Variants in ANO4 observed in about 807,000 individuals in gnomAD.
The protein encoded by ANO4 is anoctamin-4.
Under a neutral mutation model 141.9 loss-of-function variants are expected in ANO4, and 69 were observed. The observed-to-expected ratio is 0.49, with a 90% CI of 0.40 to 0.59. The LOEUF (loss-of-function observed/expected upper bound fraction) is 0.59, where lower values mean the gene tolerates loss of function less well. Ranked by LOEUF, ANO4 falls within the 20% of genes least tolerant of loss-of-function variation. The pLI, the probability that ANO4 is intolerant of heterozygous loss-of-function variation, is 0.00. For synonymous variants in ANO4, 350 were observed against 394.3 expected, an observed-to-expected ratio of 0.89 and a Z score of 1.33; for missense variants, 894 against 1,162.2, an observed-to-expected ratio of 0.77 and a Z score of 3.36.
chr12:100,741,977 A>G (rs1362260874), intron 3 of ANO4, among the ~76,000 whole-genome samples: 1 of 152,154 alleles, frequency 6.6e-6, no homozygotes, highest in Non-Finnish European at 1.5e-5. Context: ...ATAGAGCACT[A>G]TACTCAGAGT....
intron 14 of ANO4, among the ~76,000 whole-genome samples, chr12:101,073,477 C>T (rs1010871600): frequency 4.0e-5 from 6 of 151,614 alleles, no homozygotes; most frequent in East Asian, 2.0e-4. Context: ...ATGTAAATGA[C>T]GAGTTAATGG....
intron 12 of ANO4, 52 bp from the exon 13 acceptor site, chr12:101,043,486 GA>G (rs1342529288): frequency 2.2e-6 from 3 of 1,392,206 alleles, no homozygotes; most frequent in South Asian, 1.2e-5. Context: ...GGTGAAGTTA[GA>G]AAAAAATGTT....
intron 2 of ANO4, among the ~76,000 whole-genome samples, chr12:100,914,036 A>C (rs1031402932): frequency 2.6e-5 from 4 of 152,238 alleles, no homozygotes; most frequent in African/African-American, 9.6e-5. Flanking sequence ...AGCCCTCGTC[A>C]TCACAACAGA....
At chr12:100,935,126 A>G (rs887842810) in intron 3 of ANO4, among the ~76,000 whole-genome samples, 9 of 152,172 alleles carry the variant, frequency 5.9e-5, no homozygotes, top group East Asian at 1.9e-4. Context: ...TTCCAATACA[A>G]TGTTGAATAG....
At chr12:100,861,323 A>G (rs550479137) in intron 1 of ANO4, among the ~76,000 whole-genome samples, 1 of 152,268 alleles carries the variant, frequency 6.6e-6, no homozygotes, top group South Asian at 2.1e-4. Flanking sequence ...ATAGCCTACT[A>G]TGCACCTTGG....
chr12:100,724,536 A>G (rs1025991979), intron 1 of ANO4, among the ~76,000 whole-genome samples: 1 of 152,232 alleles, frequency 6.6e-6, no homozygotes, highest in East Asian at 1.9e-4. Flanking sequence ...AAAAAACGTT[A>G]TGAAAACAGC....
chr12:100,869,072 A>G (rs754459679), intron 1 of ANO4, among the ~76,000 whole-genome samples: 7 of 152,174 alleles, frequency 4.6e-5, no homozygotes, highest in East Asian at 1.9e-4. Flanking sequence ...TAATTGTCCA[A>G]TTAGGTAGAT....
At chr12:101,104,575 G>A in intron 22 of ANO4, among the ~76,000 whole-genome samples, 1 of 132,422 alleles carries the variant, frequency 7.6e-6, no homozygotes. Flanking sequence ...GTTATTTCAG[G>A]CTTTTGATAA....
rs566024431 is a variant in ANO4 at position 100,836,704 on chromosome 12, A to T, written c.-141+41677A>T. ...TCCAAGGGAGTTTTTCTTCAAATGG[A>T]GGAAAAGGAAAAGGGATTCTAGGTG... is the stretch of plus-strand genomic sequence containing the variant. On this transcript the variant is annotated intron_variant, in intron 1 of 27. Transcript: ENST00000392977. 2.3e-4 allele frequency among the ~76,000 whole-genome samples: 35 copies of T among 152,188 alleles called. No homozygotes were observed. In the South Asian group the frequency reaches 7.3e-3, roughly 32 times the overall value.
chr12:100,826,600 C>A (rs1300189977), intron 1 of ANO4, among the ~76,000 whole-genome samples: 4 of 63,286 alleles, frequency 6.3e-5, no homozygotes, highest in African/African-American at 2.0e-4. Context: ...TTTCCTCCTC[C>A]CAACCGCAAT....
chr12:100,770,632 TGAAGGAGGTGA>T (rs1194591609), intron 3 of ANO4, among the ~76,000 whole-genome samples: 1 of 152,134 alleles, frequency 6.6e-6, no homozygotes, highest in Admixed American at 6.5e-5. Flanking sequence ...CCTCTTGCAT[TGAAGGAGGTGA>T]GAAGGAGGAC....
chr12:101,098,514 T>C (rs1258208428), intron 21 of ANO4, among the ~76,000 whole-genome samples: 1 of 152,302 alleles, frequency 6.6e-6, no homozygotes, highest in South Asian at 2.1e-4. Context: ...CAAAGAAAAC[T>C]CAAGGTTTCA....
At chr12:100,794,029 G>C (rs1335800088), upstream of ANO4, among the ~76,000 whole-genome samples, 1 of 152,108 alleles carries the variant, frequency 6.6e-6, no homozygotes, top group Non-Finnish European at 1.5e-5. Context: ...AGCTCTAAAA[G>C]GGACATGTTA....
At chr12:101,014,995 A>ATTTTTTTTT (rs2046254548) in intron 8 of ANO4, among the ~76,000 whole-genome samples, 1 of 91,170 alleles carries the variant, frequency 1.1e-5, no homozygotes, top group Non-Finnish European at 2.8e-5. Flanking sequence ...ACACCCAGCT[A>ATTTTTTTTT]ATTTTTTTTT....
intron 21 of ANO4, 140 bp downstream of exon 21, chr12:101,098,085 T>C (rs1045274771): frequency 1.4e-6 from 1 of 696,854 alleles, no homozygotes. Context: ...CATTTAGACA[T>C]CCAAAGGCAG....
intron 3 of ANO4, among the ~76,000 whole-genome samples, chr12:100,787,145 C>A (rs1276944502): frequency 6.6e-6 from 1 of 152,134 alleles, no homozygotes; most frequent in Non-Finnish European, 1.5e-5. Flanking sequence ...CTGAAGGAAA[C>A]ACATAGTAAG....
At position 101,042,336 on chromosome 12, in the gene ANO4, G is replaced by A. The variant is rs201513929; in HGVS notation, c.1022G>A (p.Arg341Gln). 3.5e-5 allele frequency: 56 copies of A among 1,613,932 alleles called. No homozygotes were observed. The highest frequency in any genetic ancestry group is 1.6e-4 in the Middle Eastern group (1 of 6,082). The change falls in exon 12 of 28, where the codon CGG becomes CAG. Residue 341 changes from arginine to glutamine, a missense_variant and splice_region_variant. Physicochemically the swap from Arg to Gln is conservative, Grantham distance 43 (BLOSUM62 1). Transcript: ENST00000392977. ...YKYQPLDLVRRYFGEKIGLYF... is the reference protein window; with the variant it reads ...YKYQPLDLVRQYFGEKIGLYF... Reference sequence around the variant, plus strand: ...CAAGGCCGTTGTGTCTTTAACAGGCGGTACTTTGGAGAGAAGATTGGGTTA... The same window carrying A: ...CAAGGCCGTTGTGTCTTTAACAGGCAGTACTTTGGAGAGAAGATTGGGTTA...
chr12:101,007,438 C>T (rs1023588946), intron 8 of ANO4, among the ~76,000 whole-genome samples: 9 of 152,258 alleles, frequency 5.9e-5, no homozygotes, highest in Middle Eastern at 3.4e-3. Context: ...GTGTATGTAA[C>T]CACACTGCAT....
chr12:100,871,569 G>C (rs116659893), intron 1 of ANO4, among the ~76,000 whole-genome samples: 1 of 152,142 alleles, frequency 6.6e-6, no homozygotes, highest in Non-Finnish European at 1.5e-5. Flanking sequence ...CTGACAGCAA[G>C]GACTGTTAAT....
Sources: gnomAD v4.1 joint callset for allele counts (sites outside exome capture counted in the v4.1 genomes callset) on GRCh38, gnomAD v4.1.1 for gene constraint, MANE v1.5 for transcripts, NCBI Gene and HGNC (gene_info 2026-07-23, HGNC 2026-07-21) for gene names.